R3HDM1: variants seen among roughly 807,000 people sequenced by gnomAD.
R3HDM1 encodes the protein R3H domain-containing protein 1.
Under a neutral mutation model 141.1 loss-of-function variants are expected in R3HDM1, and 46 were observed. That is an observed-to-expected ratio of 0.33 (90% confidence interval 0.26 to 0.42). R3HDM1 has a LOEUF of 0.42. Ranked by LOEUF, R3HDM1 falls within the 10% of genes least tolerant of loss-of-function variation. R3HDM1 has a pLI of 1.00. For missense variants in R3HDM1, 1,184 were observed against 1,368.3 expected (o/e 0.87, Z 2.12); for synonymous variants, 435 against 472.9 (o/e 0.92, Z 1.04).
At position 135,724,262 on chromosome 2, in the gene R3HDM1, T is replaced by C. The variant is rs769230356; in HGVS notation, c.3375T>C (p.Phe1125=). Residue 1125 remains phenylalanine, a synonymous_variant, in exon 27 of 27, where the codon TTT becomes TTC. Coordinates refer to ENST00000683871, the MANE Select transcript of R3HDM1 (RefSeq NM_001378107.1). ...KLRTSKKHYD[F]HILERASSQ is the part of the protein sequence containing the mutation. Reference sequence around the variant, plus strand: ...GAACAAGCAAGAAGCACTATGACTTTCACATTTTGGAAAGGGCAAGTTCTC... The same window carrying C: ...GAACAAGCAAGAAGCACTATGACTTCCACATTTTGGAAAGGGCAAGTTCTC... 6.2e-7 allele frequency: 1 copy of C among 1,613,290 alleles called. No homozygotes were observed.
At chr2:135,584,172 A>C (rs545662287) in intron 1 of R3HDM1, 1 of 626,140 alleles carries the variant, frequency 1.6e-6, no homozygotes, top group South Asian at 7.1e-5. Flanking sequence ...TAATAAAAAT[A>C]TAAATATTAA....
chr2:135,597,023 A>G (rs1180424678), intron 1 of R3HDM1: 1 of 984,296 alleles, frequency 1.0e-6, no homozygotes, highest in Non-Finnish European at 1.2e-6. Context: ...TGTCTTCCCC[A>G]TTTCTCCACT....
chr2:135,638,407 G>A (rs991884935), intron 11 of R3HDM1, among the ~76,000 whole-genome samples: 2 of 152,108 alleles, frequency 1.3e-5, no homozygotes, highest in Admixed American at 6.5e-5. Flanking sequence ...AAAATGAATA[G>A]TTTCAAGATA....
chr2:135,722,614 C>T, intron 26 of R3HDM1, 61 bp downstream of exon 26: 1 of 1,473,244 alleles, frequency 6.8e-7, no homozygotes, highest in Non-Finnish European at 9.3e-7. Context: ...TAAAAATACA[C>T]CACAGCACAG....
chr2:135,531,506 C>A lies in R3HDM1; in HGVS notation c.-377C>A. On this transcript the variant is annotated 5_prime_UTR_variant, in exon 1 of 27. In the 5' UTR this introduces an upstream ATG that the reference lacks. Transcript: ENST00000683871. Reference sequence around the variant, plus strand: ...GGGATTCTGCCAGCCGCGGCTGCCGCTGGAGCCGGTGTCCGGGCTGGTGAT... The same window carrying A: ...GGGATTCTGCCAGCCGCGGCTGCCGATGGAGCCGGTGTCCGGGCTGGTGAT... The A allele has an allele frequency of 4.1e-6, 4 of 985,776 alleles. No homozygotes were observed. Among genetic ancestry groups the A allele is most frequent in the Non-Finnish European group, 4.8e-6 (4 of 829,952 alleles). The allele number at this position is 985,776 out of a possible 1,614,324, so 61.1% of individuals were successfully genotyped here.
rs1344452390 is a variant in R3HDM1, at chr2:135,638,801, A to C, written c.992+12A>C. The C allele has an allele frequency of 1.2e-6, 2 of 1,613,996 alleles. No individual in the cohort carries two copies. The highest frequency in any genetic ancestry group is 1.3e-5 in the African/African-American group (1 of 75,062). ...CGCCAGATATTTAGGTATTGGAAGC[A>C]TGTTTTCAATACAGTATTGAAAAAT... is the stretch of plus-strand genomic sequence containing the variant. On this transcript the variant is annotated intron_variant, in intron 13 of 26. Coordinates refer to ENST00000683871, the MANE Select transcript of R3HDM1 (RefSeq NM_001378107.1).
At chr2:135,570,786 C>T (rs967958490) in intron 1 of R3HDM1, among the ~76,000 whole-genome samples, 12 of 152,190 alleles carry the variant, frequency 7.9e-5, no homozygotes, top group African/African-American at 2.9e-4. Context: ...ATCAAATGTA[C>T]AATTTTATTG....
At chr2:135,651,093 G>A (rs1238045405) in intron 17 of R3HDM1, 9 of 985,132 alleles carry the variant, frequency 9.1e-6, no homozygotes, top group Non-Finnish European at 1.1e-5. Flanking sequence ...TAAAAGCATA[G>A]GAAACTGTCA....
chr2:135,541,207 CT>C (rs1276725960), intron 1 of R3HDM1, among the ~76,000 whole-genome samples: 12 of 147,996 alleles, frequency 8.1e-5, no homozygotes, highest in Admixed American at 2.7e-4. Flanking sequence ...GCATTAGCTT[CT>C]TTTTTTTTTG....
chr2:135,680,599 G>A lies in R3HDM1; in HGVS notation c.2459+275G>A, dbSNP rs184576826. Among the ~76,000 whole-genome samples the A allele has an allele frequency of 1.4e-4, 21 of 152,292 alleles. No individual in the cohort carries two copies. In the East Asian group the frequency reaches 2.5e-3, roughly 18 times the overall value. The stretch of plus-strand genomic sequence containing the variant: ...AGCCTGGCCAACATGGTGAAACCCC[G>A]TCTCTACTAATAATACAGAAGTTAG... On this transcript the variant is annotated intron_variant, in intron 21 of 26. Transcript: ENST00000683871.
At chr2:135,584,097 G>A (rs1402692957) in intron 1 of R3HDM1, 1 of 957,904 alleles carries the variant, frequency 1.0e-6, no homozygotes, top group Non-Finnish European at 1.2e-6. Context: ...GGAGGCCAAA[G>A]CAGGTGGATC....
chr2:135,589,912 G>A (rs1708862699), intron 1 of R3HDM1, among the ~76,000 whole-genome samples: 1 of 151,788 alleles, frequency 6.6e-6, no homozygotes. Flanking sequence ...AATATACATA[G>A]ATATAAAAAG....
At chr2:135,586,974 A>G (rs1041764016) in intron 1 of R3HDM1, 1 of 985,088 alleles carries the variant, frequency 1.0e-6, no homozygotes, top group African/African-American at 1.7e-5. Flanking sequence ...AAGAATCTTA[A>G]CTTTCAAAAC....
At chr2:135,548,556 C>T (rs1196735387) in intron 1 of R3HDM1, among the ~76,000 whole-genome samples, 1 of 152,114 alleles carries the variant, frequency 6.6e-6, no homozygotes, top group Non-Finnish European at 1.5e-5. Flanking sequence ...AGAAAGTTCC[C>T]TCATTCTCTT....
intron 21 of R3HDM1, among the ~76,000 whole-genome samples, chr2:135,694,442 G>A (rs1303729674): frequency 1.3e-5 from 2 of 152,192 alleles, no homozygotes; most frequent in African/African-American, 4.8e-5. Flanking sequence ...TTTAAAACTT[G>A]CATCCTCCTG....
chr2:135,626,202 TGC>T (rs199755947), intron 7 of R3HDM1, among the ~76,000 whole-genome samples: 6,556 of 150,656 alleles, frequency 0.044, 497 homozygotes, highest in African/African-American at 0.15. Flanking sequence ...CGTGCGTGCG[TGC>T]GTGCGTGCTT....
At chr2:135,658,485 G>A (rs2066219977) in intron 18 of R3HDM1, among the ~76,000 whole-genome samples, 1 of 152,028 alleles carries the variant, frequency 6.6e-6, no homozygotes, top group Non-Finnish European at 1.5e-5. Context: ...TTTTTAAATG[G>A]AACACCGATA....
At chr2:135,547,001 C>G (rs539040133) in intron 1 of R3HDM1, among the ~76,000 whole-genome samples, 30 of 152,218 alleles carry the variant, frequency 2.0e-4, no homozygotes, top group Non-Finnish European at 2.9e-4. Flanking sequence ...ATTATAAAAA[C>G]CTTTTTTTAA....
intron 1 of R3HDM1, chr2:135,581,060 G>T: frequency 2.1e-6 from 1 of 473,912 alleles, no homozygotes; most frequent in Non-Finnish European, 2.8e-6. Flanking sequence ...CTATTATAAT[G>T]CTTATATCTT....
Sources: gnomAD v4.1 joint callset for allele counts (sites outside exome capture counted in the v4.1 genomes callset) on GRCh38, gnomAD v4.1.1 for gene constraint, MANE v1.5 for transcripts, NCBI Gene and HGNC (gene_info 2026-07-23, HGNC 2026-07-21) for gene names.